The following ANKRD54 variants were observed in gnomAD, a reference collection of about 807,000 sequenced individuals.
ANKRD54 encodes the protein ankyrin repeat domain 54.
ANKRD54 carries 26 observed loss-of-function variants against 36.2 expected under a neutral mutation model. The observed-to-expected ratio is 0.72, with a 90% CI of 0.53 to 1.00. ANKRD54 has a LOEUF of 1.00. Among genes scored for constraint, ANKRD54 ranks in the 50% least tolerant of loss-of-function variants. The pLI is 0.00. For missense variants in ANKRD54, 384 were observed against 424.3 expected (o/e 0.91, Z 0.83); for synonymous variants, 209 against 188.4 (o/e 1.11, Z -0.89).
At chr22:37,842,389 C>A (rs1331776109) in intron 1 of ANKRD54, among the ~76,000 whole-genome samples, 1 of 152,228 alleles carries the variant, frequency 6.6e-6, no homozygotes, top group Middle Eastern at 3.2e-3. Flanking sequence ...CACTTGTAGT[C>A]ACAGGGTGAC....
intron 3 of ANKRD54, chr22:37,833,965 A>T (rs1923219175): frequency 1.8e-6 from 1 of 561,528 alleles, no homozygotes; most frequent in Non-Finnish European, 3.2e-6. Flanking sequence ...GGATTTGGGG[A>T]GGGCCTCTTG....
At chr22:37,846,523 T>C (rs1924852557), upstream of ANKRD54, among the ~76,000 whole-genome samples, 1 of 152,194 alleles carries the variant, frequency 6.6e-6, no homozygotes, top group Non-Finnish European at 1.5e-5. Context: ...CAGGCTGGTC[T>C]TGAACTCCTC....
intron 1 of ANKRD54, among the ~76,000 whole-genome samples, chr22:37,842,373 C>G (rs1924385675): frequency 6.6e-6 from 1 of 152,254 alleles, no homozygotes; most frequent in Non-Finnish European, 1.5e-5. Flanking sequence ...CAGATTTCCT[C>G]TCTATCACTT....
chr22:37,840,142 A>G (rs531171205), intron 2 of ANKRD54, 45 bp downstream of exon 2: 4 of 1,612,394 alleles, frequency 2.5e-6, no homozygotes, highest in East Asian at 4.5e-5. Context: ...TCCTTCCCCA[A>G]CCAGCCCATG....
intron 2 of ANKRD54, among the ~76,000 whole-genome samples, chr22:37,839,048 T>C (rs1338698359): frequency 6.6e-6 from 1 of 152,130 alleles, no homozygotes; most frequent in Non-Finnish European, 1.5e-5. Context: ...CTAATTTTTG[T>C]ATTTTTAGTA....
At chr22:37,842,119 C>G (rs565322013) in intron 1 of ANKRD54, among the ~76,000 whole-genome samples, 1 of 149,752 alleles carries the variant, frequency 6.7e-6, no homozygotes, top group African/African-American at 2.5e-5. Context: ...AAAACCCCAT[C>G]TCTACTAAAA....
chr22:37,838,096 C>A (rs1013322660), intron 3 of ANKRD54, among the ~76,000 whole-genome samples: 1 of 151,762 alleles, frequency 6.6e-6, no homozygotes, highest in African/African-American at 2.4e-5. Flanking sequence ...GATGGCACCA[C>A]TGCACTCCAG....
chr22:37,832,161 C>T, intron 7 of ANKRD54, 144 bp from the exon 8 acceptor site: 2 of 761,300 alleles, frequency 2.6e-6, no homozygotes, highest in South Asian at 3.4e-5. Flanking sequence ...CAGCAGTTGA[C>T]CAAGGGTCAA....
chr22:37,834,647 G>C (rs973855055), intron 3 of ANKRD54: 2 of 128,098 alleles, frequency 1.6e-5, no homozygotes, highest in Non-Finnish European at 3.1e-5. Flanking sequence ...GCAGTCAGCC[G>C]AGATGGTGCC....
In ANKRD54 at chr22:37,832,687, G is replaced by A. The variant is rs144561541; in HGVS notation, c.778C>T (p.Arg260Cys). Residue 260 changes from arginine to cysteine, a missense_variant, in exon 7 of 8, where the codon CGC (arginine) becomes TGC (cysteine). Coordinates refer to ENST00000215941, the MANE Select transcript of ANKRD54 (RefSeq NM_138797.4). The part of the protein sequence containing the change: ...ERLGQHEQRE[R>C]LDDLCTRLQM... ...AGGCGGGTGCAGAGGTCATCCAGGCGTTCTCGCTGCTCATGTTGCCCTAGG... is the reference window on the plus strand; with the variant it reads ...AGGCGGGTGCAGAGGTCATCCAGGCATTCTCGCTGCTCATGTTGCCCTAGG... The A allele has an allele frequency of 7.1e-5, 114 of 1,614,154 alleles. No individual in the cohort carries two copies. In the African/African-American group the frequency reaches 7.1e-4, roughly 10 times the overall value.
In ANKRD54 at chr22:37,843,971, G is replaced by T; in HGVS notation, c.268C>A (p.Arg90=). The change falls in exon 1 of 8, where the codon CGG becomes AGG. Residue 90 remains arginine (R), a synonymous_variant. Transcript: ENST00000215941. The part of the protein sequence containing the change: ...DELRCKIPAG[R]LRRAARPHRR... ...TGGGGCCTGGCAGCGCGCCTCAGCC[G>T]GCCAGCGGGTATCTTGCAGCGCAGC... 1 of 1,414,096 alleles carries T rather than the reference G, an allele frequency of 7.1e-7. No individual in the cohort carries two copies. The highest frequency in any genetic ancestry group is 9.2e-7 in the Non-Finnish European group (1 of 1,086,476). The allele number at this position is 1,414,096 out of a possible 1,614,324, so 87.6% of individuals were successfully genotyped here. A position where few individuals can be genotyped will look rare whatever the true frequency, so the allele number is the denominator to read the frequency against.
At chr22:37,847,583 A>G, upstream of ANKRD54, 1 of 459,262 alleles carries the variant, frequency 2.2e-6, no homozygotes, top group Non-Finnish European at 4.2e-6. Context: ...GTTAGATCAG[A>G]TCTCTTTCAC....
chr22:37,831,754 A>C lies in ANKRD54; in HGVS notation c.*189T>G. On this transcript the variant is annotated 3_prime_UTR_variant, in exon 8 of 8. Transcript: ENST00000215941. ...TGGTCCCTGTCCACAGAGATGCTGG[A>C]AACTGTGGCTGGGAGTGGCTCTGAG... 1.7e-6 allele frequency: 1 copy of C among 592,586 alleles called. No homozygotes were observed. 36.7% of individuals were successfully genotyped at this position (592,586 alleles called of 1,614,324 possible).
At chr22:37,846,681 C>T (rs1372018145), upstream of ANKRD54, among the ~76,000 whole-genome samples, 1 of 152,070 alleles carries the variant, frequency 6.6e-6, no homozygotes, top group African/African-American at 2.4e-5. Context: ...GTGATCCTCC[C>T]ACCTTGGCCT....
At chr22:37,835,533 G>A (rs989236565) in intron 3 of ANKRD54, among the ~76,000 whole-genome samples, 33 of 151,816 alleles carry the variant, frequency 2.2e-4, no homozygotes, top group Admixed American at 1.0e-3. Flanking sequence ...AAGGCCAGGC[G>A]CAGTGGCTCA....
At chr22:37,844,344 G>T (rs777551623), upstream of ANKRD54, 8 of 1,319,666 alleles carry the variant, frequency 6.1e-6, no homozygotes, top group Non-Finnish European at 7.1e-6. Context: ...TGGCGGGCGG[G>T]CAGGGCCCGC....
In ANKRD54 at chr22:37,831,901, G is replaced by A. The variant is rs1922924449; in HGVS notation, c.*42C>T. 6.3e-7 allele frequency: 1 copy of A among 1,599,586 alleles called. No homozygotes were observed. Among genetic ancestry groups the A allele is most frequent in the African/African-American group, 1.3e-5 (1 of 74,742 alleles). On this transcript the variant is annotated 3_prime_UTR_variant, in exon 8 of 8. Transcript: ENST00000215941. The stretch of plus-strand genomic sequence containing the variant: ...TTTCTTGGTACTGAGACAGCAGTGG[G>A]GCAGGGTGGGGCAGTGGCAGGAAGG...
intron 2 of ANKRD54, among the ~76,000 whole-genome samples, chr22:37,838,949 G>A (rs1286645642): frequency 1.3e-5 from 2 of 152,138 alleles, no homozygotes; most frequent in East Asian, 3.9e-4. Context: ...CATTCTGGCT[G>A]GAAACAGCTG....
rs1482621436 is a variant in ANKRD54 at position 37,831,682 on chromosome 22, G to A, written c.*261C>T. 2 of 534,700 alleles carry A rather than the reference G, an allele frequency of 3.7e-6. No homozygotes were observed. Among genetic ancestry groups the A allele is most frequent in the Non-Finnish European group, 6.7e-6 (2 of 296,602 alleles). 33.1% of individuals were successfully genotyped at this position (534,700 alleles called of 1,614,324 possible). On this transcript the variant is annotated 3_prime_UTR_variant, in exon 8 of 8. Transcript: ENST00000215941. The stretch of plus-strand genomic sequence containing the variant: ...AGGTCTGCGGAGCTGAAGTGCAGCT[G>A]CAGAGGCTGGTCTGGTGCTGCGAGA...
Sources: allele counts gnomAD v4.1 joint callset (sites outside exome capture counted in the v4.1 genomes callset), GRCh38; gene constraint gnomAD v4.1.1; transcripts MANE v1.5; gene names NCBI Gene and HGNC (gene_info 2026-07-23, HGNC 2026-07-21).